ZNF829: variants seen among roughly 807,000 people sequenced by gnomAD.
The protein encoded by ZNF829 is zinc finger protein 829.
Under a neutral mutation model 35.2 loss-of-function variants are expected in ZNF829, and 25 were observed. The ratio of observed to expected loss-of-function variants is 0.71; its 90% CI spans 0.52 to 0.99. ZNF829 has a LOEUF of 0.99. Ranked by LOEUF, ZNF829 falls within the 50% of genes least tolerant of loss-of-function variation. The pLI, the probability that ZNF829 is intolerant of heterozygous loss-of-function variation, is 0.00. For synonymous variants in ZNF829, 136 were observed against 163.2 expected, an observed-to-expected ratio of 0.83 and a Z score of 1.27; for missense variants, 417 against 515.3, an observed-to-expected ratio of 0.81 and a Z score of 1.85.
rs763335917 is a variant in ZNF829, at chr19:36,888,331, C to T, written c.*3161G>A. 3.3e-5 allele frequency: 5 copies of T among 152,110 alleles called. No individual in the cohort carries two copies. The highest frequency in any genetic ancestry group is 5.9e-5 in the Non-Finnish European group (4 of 68,022). 9.4% of individuals were successfully genotyped at this position (152,110 alleles called of 1,614,324 possible). ...TCTCCCAACACATACAGTGTTATTA[C>T]CACAATATAGTGTCAAACCGTCAAT... On this transcript the variant is annotated 3_prime_UTR_variant, in exon 6 of 6. Coordinates refer to ENST00000391711, the MANE Select transcript of ZNF829 (RefSeq NM_001037232.4).
chr19:36,909,817 A>G (rs34468927), intron 3 of ZNF829, among the ~76,000 whole-genome samples: 15,037 of 151,472 alleles, frequency 0.099, 1,016 homozygotes, highest in Non-Finnish European at 0.15. Flanking sequence ...AAAAAAAAAA[A>G]AAAGAAAGAA....
chr19:36,904,394 T>TTTTTTC (rs2073197631), intron 5 of ZNF829, among the ~76,000 whole-genome samples: 2 of 152,172 alleles, frequency 1.3e-5, no homozygotes, highest in African/African-American at 2.4e-5. Context: ...AGCAGGCTGC[T>TTTTTTC]GTTTTTCTTT....
At chr19:36,913,176 T>C (rs2073278302) in intron 3 of ZNF829, 1 of 152,178 alleles carries the variant, frequency 6.6e-6, no homozygotes, top group Admixed American at 6.5e-5. Flanking sequence ...CAGTCCTCTT[T>C]AAAAGAAATT....
rs988233559 is a variant in ZNF829, at chr19:36,908,040, G to C, written c.224-16C>G. On this transcript the variant is annotated splice_polypyrimidine_tract_variant and intron_variant, in intron 4 of 5. Coordinates refer to ENST00000391711, the MANE Select transcript of ZNF829 (RefSeq NM_001037232.4). ...TTGGAAAGTCCTGTTCACAAGAAAA[G>C]ACATGGGACATGGTTATGCTGTGGG... is the stretch of plus-strand genomic sequence containing the variant. 3.7e-6 allele frequency: 6 copies of C among 1,609,144 alleles called. No individual in the cohort carries two copies. In the African/African-American group the frequency reaches 8.0e-5, roughly 22 times the overall value.
In ZNF829 at chr19:36,916,004, A is replaced by G. The variant is rs1313974408; in HGVS notation, c.-85+7T>C. On this transcript the variant is annotated splice_region_variant and intron_variant, in intron 1 of 5. Coordinates refer to ENST00000391711, the MANE Select transcript of ZNF829 (RefSeq NM_001037232.4). This position sits in a 1 kb window ranked among gnomAD's most constrained non-coding sequence, Gnocchi z 5.3. Reference sequence around the variant, plus strand: ...AGCCAGTTCTCCTGGGGACCAAAATATCTCACCTCCCAGATCTAAGGGTCC... The same window carrying G: ...AGCCAGTTCTCCTGGGGACCAAAATGTCTCACCTCCCAGATCTAAGGGTCC... 1.5e-6 allele frequency: 2 copies of G among 1,378,828 alleles called. No individual in the cohort carries two copies. The highest frequency in any genetic ancestry group is 2.0e-6 in the Non-Finnish European group (2 of 1,022,262). 85.4% of individuals were successfully genotyped at this position (1,378,828 alleles called of 1,614,324 possible).
chr19:36,892,764 T>C (rs1381883787), intron 5 of ZNF829: 3 of 464,096 alleles, frequency 6.5e-6, no homozygotes, highest in Non-Finnish European at 1.1e-5. Flanking sequence ...CCATCCTCCA[T>C]ATTATAGAGA....
intron 5 of ZNF829, chr19:36,902,061 T>C: frequency 1.8e-6 from 1 of 560,042 alleles, no homozygotes; most frequent in Non-Finnish European, 3.2e-6. Flanking sequence ...ACTTTGGTTA[T>C]CTATGTATCT....
In ZNF829 at chr19:36,892,015, T is replaced by C; in HGVS notation, c.776A>G (p.Gln259Arg). ...FKYCSNLNDH[Q>R]RIHTGEKPYE... Reference sequence around the variant, plus strand: ...GGGTTTCTCACCAGTGTGAATTCTCTGATGATCATTAAGGTTTGAGCAATA... The same window carrying C: ...GGGTTTCTCACCAGTGTGAATTCTCCGATGATCATTAAGGTTTGAGCAATA... Residue 259 changes from glutamine (Q) to arginine (R), a missense_variant, in exon 6 of 6, where the codon CAG becomes CGG. Gln to Arg is a conservative substitution (Grantham distance 43). Transcript: ENST00000391711. 1.9e-6 allele frequency: 3 copies of C among 1,613,870 alleles called. No individual in the cohort carries two copies. The highest frequency in any genetic ancestry group is 2.5e-6 in the Non-Finnish European group (3 of 1,179,864).
chr19:36,901,903 G>A, intron 5 of ZNF829: 1 of 762,916 alleles, frequency 1.3e-6, no homozygotes, highest in South Asian at 1.4e-5. Context: ...AATTTGCCAT[G>A]AAGGAGATGG....
At chr19:36,909,015 C>T (rs1289605532) in intron 3 of ZNF829, among the ~76,000 whole-genome samples, 3 of 152,164 alleles carry the variant, frequency 2.0e-5, no homozygotes, top group African/African-American at 7.2e-5. Context: ...GATAAAAGTA[C>T]TTCCAATGTG....
rs1568366682 is a variant in ZNF829, at chr19:36,891,958, G to A, written c.833C>T (p.Thr278Ile). The A allele has an allele frequency of 5.6e-6, 9 of 1,613,704 alleles. No homozygotes were observed. In the South Asian group the frequency reaches 6.6e-5, roughly 12 times the overall value. The stretch of plus-strand genomic sequence containing the variant: ...ATGTAGAAAAAGTTGTGAACTTTTA[G>A]TAAAGGCTTTTCCACATACTTTACA... ...YECKVCGKAF[T>I]KSSQLFLHLR... The change falls in exon 6 of 6, where the codon ACT becomes ATT. Residue 278 changes from threonine to isoleucine, a missense_variant. Thr to Ile is a moderately conservative substitution (Grantham distance 89). Coordinates refer to ENST00000391711, the MANE Select transcript of ZNF829 (RefSeq NM_001037232.4).
In ZNF829 at chr19:36,892,288, T is replaced by C. The variant is rs868646364; in HGVS notation, c.503A>G (p.Asn168Ser). 1 of 1,613,892 alleles carries C rather than the reference T, an allele frequency of 6.2e-7. No individual in the cohort carries two copies. ...TCTCTGATGTTGGATAAATTGTGAGTTTTGATTAAAGGTCTTTCCACATAT... is the reference window on the plus strand; with the variant it reads ...TCTCTGATGTTGGATAAATTGTGAGCTTTGATTAAAGGTCTTTCCACATAT... ...CKICGKTFNQ[N>S]SQFIQHQRIH... The change falls in exon 6 of 6, where the codon AAC becomes AGC. Residue 168 changes from asparagine (N) to serine (S), a missense_variant. Physicochemically the swap from Asn to Ser is conservative, Grantham distance 46. Coordinates refer to ENST00000391711, the MANE Select transcript of ZNF829 (RefSeq NM_001037232.4).
intron 5 of ZNF829, 90 bp downstream of exon 5, chr19:36,907,829 ATATGGAAGAG>A (rs2073231369): frequency 6.1e-6 from 6 of 978,892 alleles, no homozygotes; most frequent in Non-Finnish European, 9.1e-6. Context: ...GGGATAGCTT[ATATGGAAGAG>A]GCTTCAGGCC....
intron 5 of ZNF829, among the ~76,000 whole-genome samples, chr19:36,900,145 A>AACACACACACACAC (rs56218050): frequency 2.5e-5 from 3 of 120,444 alleles, no homozygotes; most frequent in African/African-American, 6.7e-5. Flanking sequence ...GTCTCTACTA[A>AACACACACACACAC]ACACACACAC....
chr19:36,896,138 C>T (rs992438727), intron 5 of ZNF829, among the ~76,000 whole-genome samples: 3 of 151,938 alleles, frequency 2.0e-5, no homozygotes, highest in Admixed American at 1.3e-4. Flanking sequence ...GGTGAAACCT[C>T]GTCTCTACTA....
In ZNF829 at chr19:36,889,258, T is replaced by C. The variant is rs1434845854; in HGVS notation, c.*2234A>G. Reference sequence around the variant, plus strand: ...TCAGGGATATTGGCTTGTAGTTTTTTTGTGTGTTTTATCCTTGCCTGGCTT... The same window carrying C: ...TCAGGGATATTGGCTTGTAGTTTTTCTGTGTGTTTTATCCTTGCCTGGCTT... On this transcript the variant is annotated 3_prime_UTR_variant, in exon 6 of 6. Transcript: ENST00000391711. The C allele has an allele frequency of 3.3e-5, 5 of 152,184 alleles. No homozygotes were observed. The highest frequency in any genetic ancestry group is 1.2e-4 in the African/African-American group (5 of 41,452). The allele number at this position is 152,184 out of a possible 1,614,324, so 9.4% of individuals were successfully genotyped here. A position where few individuals can be genotyped will look rare whatever the true frequency, so the allele number is the denominator to read the frequency against.
chr19:36,915,914 C>T, intron 1 of ZNF829, 97 bp downstream of exon 1: 2 of 1,536,110 alleles, frequency 1.3e-6, no homozygotes, highest in Non-Finnish European at 1.7e-6. Flanking sequence ...GCCAGCTCCC[C>T]ATCGGTCTTC....
chr19:36,903,041 T>G (rs1203339387), intron 5 of ZNF829, among the ~76,000 whole-genome samples: 1 of 151,528 alleles, frequency 6.6e-6, no homozygotes, highest in Non-Finnish European at 1.5e-5. Flanking sequence ...ATCTCAAAAA[T>G]AAAAAAGAAG....
chr19:36,891,663 A>G lies in ZNF829; in HGVS notation c.1128T>C (p.Asp376=). 1.2e-6 allele frequency: 2 copies of G among 1,613,370 alleles called. No individual in the cohort carries two copies. Among genetic ancestry groups the G allele is most frequent in the South Asian group, 2.2e-5 (2 of 91,004 alleles). The part of the protein sequence containing the change: ...ELIQHQRIHT[D]EKPYECNECG... ...ATTCATTACATTCATATGGTTTTTC[A>G]TCTGTATGGATTCTCTGATGTTGAA... Residue 376 remains aspartate (D), a synonymous_variant, in exon 6 of 6, where the codon GAT becomes GAC. Transcript: ENST00000391711.
Sources: allele counts gnomAD v4.1 joint callset (sites outside exome capture counted in the v4.1 genomes callset), GRCh38; gene constraint gnomAD v4.1.1; non-coding constraint Gnocchi (gnomAD v3.1); transcripts MANE v1.5; gene names NCBI Gene and HGNC (gene_info 2026-07-23, HGNC 2026-07-21).